GRK3: variants seen among roughly 807,000 people sequenced by gnomAD.
The protein encoded by GRK3 is adrenergic, beta, receptor kinase 2.
A neutral mutation model predicts 95.7 loss-of-function variants in GRK3; 54 were observed. That is an observed-to-expected ratio of 0.56 (90% CI 0.45 to 0.71). The LOEUF is 0.71. Among genes scored for constraint, GRK3 ranks in the 30% least tolerant of loss-of-function variants. The pLI is 0.00. For missense variants in GRK3, 649 were observed against 851.2 expected, an observed-to-expected ratio of 0.76 and a Z score of 2.96; for synonymous variants, 281 against 290.8, an observed-to-expected ratio of 0.97 and a Z score of 0.34.
At chr22:25,711,274 T>C (rs2085342039) in intron 17 of GRK3, 111 bp downstream of exon 17, 2 of 572,274 alleles carry the variant, frequency 3.5e-6, no homozygotes, top group African/African-American at 3.8e-5. Flanking sequence ...GTATTTAACT[T>C]ACAAATGAGT....
At chr22:25,666,574 C>T (rs1411185823) in intron 5 of GRK3, among the ~76,000 whole-genome samples, 1 of 152,074 alleles carries the variant, frequency 6.6e-6, no homozygotes, top group Non-Finnish European at 1.5e-5. Flanking sequence ...CTGGCTCACC[C>T]CCCACCACCG....
At chr22:25,699,733 C>G (rs557325167) in intron 13 of GRK3, among the ~76,000 whole-genome samples, 1 of 145,080 alleles carries the variant, frequency 6.9e-6, no homozygotes, top group East Asian at 2.0e-4. Flanking sequence ...AAGTCTCGCT[C>G]TGTCGCCCAG....
chr22:25,588,483 A>G (rs1364725863), intron 1 of GRK3, among the ~76,000 whole-genome samples: 1 of 152,344 alleles, frequency 6.6e-6, no homozygotes, highest in African/African-American at 2.4e-5. Context: ...AAGAGTTGAC[A>G]TTAAACTATT....
chr22:25,700,479 G>A (rs553181988), intron 13 of GRK3, among the ~76,000 whole-genome samples: 66 of 152,324 alleles, frequency 4.3e-4, no homozygotes, highest in African/African-American at 1.4e-3. Context: ...TGCTGCTGGC[G>A]CTATTGAGTT....
intron 1 of GRK3, among the ~76,000 whole-genome samples, chr22:25,588,630 AG>A (rs1298562197): frequency 6.6e-6 from 1 of 152,182 alleles, no homozygotes; most frequent in Non-Finnish European, 1.5e-5. Flanking sequence ...GAAAATACTT[AG>A]TAACTACATA....
intron 2 of GRK3, among the ~76,000 whole-genome samples, chr22:25,626,588 AT>A (rs1048313507): frequency 2.0e-5 from 3 of 152,266 alleles, no homozygotes; most frequent in Non-Finnish European, 4.4e-5. Context: ...CTTTAAAAAA[AT>A]ACCTCTGTTA....
intron 2 of GRK3, among the ~76,000 whole-genome samples, chr22:25,620,487 G>A (rs2084576827): frequency 6.6e-6 from 1 of 152,150 alleles, no homozygotes; most frequent in Non-Finnish European, 1.5e-5. Context: ...TGCCAGCCCG[G>A]CTCTAAGAGC....
intron 13 of GRK3, among the ~76,000 whole-genome samples, chr22:25,695,502 A>G (rs2146444631): frequency 6.6e-6 from 1 of 152,334 alleles, no homozygotes; most frequent in East Asian, 1.9e-4. Context: ...TTGATAAGCC[A>G]CATTGTAGGA....
intron 7 of GRK3, among the ~76,000 whole-genome samples, chr22:25,673,537 TA>T: frequency 6.6e-6 from 1 of 152,160 alleles, no homozygotes; most frequent in East Asian, 1.9e-4. Flanking sequence ...GGGTCTTTCA[TA>T]CGCTTCTGCC....
chr22:25,667,054 C>T (rs972902352), intron 5 of GRK3, among the ~76,000 whole-genome samples: 1 of 152,124 alleles, frequency 6.6e-6, no homozygotes, highest in East Asian at 1.9e-4. Flanking sequence ...GGAGCCCTCG[C>T]CTTAACCCCA....
chr22:25,720,639 G>T (rs1167114070), intron 19 of GRK3, among the ~76,000 whole-genome samples: 1 of 151,772 alleles, frequency 6.6e-6, no homozygotes, highest in South Asian at 2.1e-4. Context: ...ACCACGCCCG[G>T]CTAATTTTTG....
chr22:25,588,055 C>T (rs1376389862), intron 1 of GRK3, among the ~76,000 whole-genome samples: 4 of 152,160 alleles, frequency 2.6e-5, no homozygotes, highest in East Asian at 1.9e-4. Flanking sequence ...TGCCTCGGCC[C>T]CTCAAAGCGC....
At chr22:25,718,211 C>G (rs1320731809) in intron 18 of GRK3, 34 bp from the exon 19 acceptor site, 2 of 1,596,404 alleles carry the variant, frequency 1.3e-6, no homozygotes, top group Non-Finnish European at 1.7e-6. Context: ...TGTTTCAGAG[C>G]CTATTTAACT....
At chr22:25,703,836 C>T (rs757276326) in intron 14 of GRK3, among the ~76,000 whole-genome samples, 1 of 152,084 alleles carries the variant, frequency 6.6e-6, no homozygotes, top group Non-Finnish European at 1.5e-5. Context: ...TAAAGAAAAT[C>T]GAGAACAGAA....
intron 2 of GRK3, among the ~76,000 whole-genome samples, chr22:25,637,561 T>C (rs1004704098): frequency 5.3e-5 from 8 of 152,346 alleles, no homozygotes; most frequent in African/African-American, 1.9e-4. Flanking sequence ...CCTATACAAG[T>C]CTTTTTGGAG....
At chr22:25,716,689 G>A (rs1166527342) in intron 18 of GRK3, among the ~76,000 whole-genome samples, 1 of 152,010 alleles carries the variant, frequency 6.6e-6, no homozygotes, top group South Asian at 2.1e-4. Context: ...GACCAACCAT[G>A]ATCAAAAATA....
At chr22:25,601,500 C>T (rs1332921368) in intron 1 of GRK3, among the ~76,000 whole-genome samples, 4 of 152,062 alleles carry the variant, frequency 2.6e-5, no homozygotes, top group Admixed American at 6.5e-5. Context: ...CTGTGAGATG[C>T]AGTTAAATCG....
intron 16 of GRK3, 157 bp downstream of exon 16, chr22:25,710,121 T>G: frequency 1.5e-6 from 1 of 686,618 alleles, no homozygotes; most frequent in Non-Finnish European, 2.7e-6. Context: ...GCATCCTGTG[T>G]CCACACTCTC....
At chr22:25,634,058 G>A (rs1457034941) in intron 2 of GRK3, among the ~76,000 whole-genome samples, 9 of 151,872 alleles carry the variant, frequency 5.9e-5, no homozygotes, top group African/African-American at 1.2e-4. Flanking sequence ...ATGATTATTA[G>A]TTATGTTTGT....
Sources: gnomAD v4.1 joint callset for allele counts (sites outside exome capture counted in the v4.1 genomes callset) on GRCh38, gnomAD v4.1.1 for gene constraint, MANE v1.5 for transcripts, NCBI Gene and HGNC (gene_info 2026-07-23, HGNC 2026-07-21) for gene names.